The following UBE2E2 variants were observed in gnomAD, a reference collection of about 807,000 sequenced individuals.
UBE2E2 encodes the protein ubiquitin conjugating enzyme E2 E2, also known as ubiquitin-conjugating enzyme E2 E2.
In UBE2E2, 6 loss-of-function variants were observed where a neutral mutation model predicts 24.7. That is an observed-to-expected ratio of 0.24 (90% CI 0.13 to 0.48). UBE2E2 has a LOEUF of 0.48. Ranked by LOEUF, UBE2E2 falls within the 20% of genes least tolerant of loss-of-function variation. UBE2E2 has a pLI of 0.99. For missense variants in UBE2E2, 169 were observed against 245.0 expected (o/e 0.69, Z 2.07); for synonymous variants, 104 against 83.6 (o/e 1.24, Z -1.33).
At chr3:23,232,126 G>A (rs1262593044) in intron 3 of UBE2E2, among the ~76,000 whole-genome samples, 1 of 152,222 alleles carries the variant, frequency 6.6e-6, no homozygotes, top group Non-Finnish European at 1.5e-5. Flanking sequence ...TGAAGGGTAA[G>A]GTTAAACCCT....
At chr3:23,564,709 C>T (rs543254668) in intron 5 of UBE2E2, among the ~76,000 whole-genome samples, 1 of 152,296 alleles carries the variant, frequency 6.6e-6, no homozygotes, top group African/African-American at 2.4e-5. Flanking sequence ...GGGTAGAAAG[C>T]CTGGTGCTTT....
intron 3 of UBE2E2, among the ~76,000 whole-genome samples, chr3:23,271,518 C>T (rs1365954861): frequency 6.6e-6 from 1 of 152,168 alleles, no homozygotes; most frequent in Non-Finnish European, 1.5e-5. Context: ...CCTTATCTGA[C>T]CCCACCCACA....
intron 3 of UBE2E2, among the ~76,000 whole-genome samples, chr3:23,282,384 C>T (rs1156271380): frequency 6.6e-6 from 1 of 152,130 alleles, no homozygotes; most frequent in Non-Finnish European, 1.5e-5. Flanking sequence ...GTATCAGTTT[C>T]TATCTTATTA....
At chr3:23,434,692 C>A (rs1430406623) in intron 3 of UBE2E2, among the ~76,000 whole-genome samples, 2 of 152,084 alleles carry the variant, frequency 1.3e-5, no homozygotes, top group African/African-American at 4.8e-5. Context: ...AGATGTACTA[C>A]TGAGTTCAGG....
chr3:23,224,003 A>G (rs1022120886), intron 3 of UBE2E2, among the ~76,000 whole-genome samples: 11 of 152,088 alleles, frequency 7.2e-5, no homozygotes, highest in African/African-American at 2.4e-4. Context: ...TCACTGATCC[A>G]TGTGTCTGTT....
intron 3 of UBE2E2, among the ~76,000 whole-genome samples, chr3:23,367,529 TG>T (rs1696291082): frequency 6.6e-6 from 1 of 152,054 alleles, no homozygotes; most frequent in Non-Finnish European, 1.5e-5. Context: ...ACGCAGAGGG[TG>T]GTATGCCCAG....
At chr3:23,426,508 T>C (rs1457815522) in intron 3 of UBE2E2, among the ~76,000 whole-genome samples, 1 of 151,380 alleles carries the variant, frequency 6.6e-6, no homozygotes, top group Admixed American at 6.6e-5. Flanking sequence ...CCTGATGGGG[T>C]GTGCAGGGAG....
intron 5 of UBE2E2, among the ~76,000 whole-genome samples, chr3:23,555,230 A>C (rs1456306323): frequency 6.6e-6 from 1 of 152,136 alleles, no homozygotes; most frequent in African/African-American, 2.4e-5. Flanking sequence ...CTGAATAGAC[A>C]TTTATCCAAA....
At chr3:23,548,957 G>A (rs1695581036) in intron 5 of UBE2E2, among the ~76,000 whole-genome samples, 1 of 152,118 alleles carries the variant, frequency 6.6e-6, no homozygotes, top group South Asian at 2.1e-4. Flanking sequence ...CTCAAAAGAG[G>A]TACATAGTAG....
At chr3:23,481,285 C>T (rs948301063) in intron 3 of UBE2E2, among the ~76,000 whole-genome samples, 4 of 152,232 alleles carry the variant, frequency 2.6e-5, no homozygotes, top group East Asian at 1.9e-4. Context: ...ATCCCGTCCA[C>T]CTGCATCAAA....
chr3:23,546,249 TAGA>T (rs1189031880), intron 5 of UBE2E2, among the ~76,000 whole-genome samples: 1 of 152,222 alleles, frequency 6.6e-6, no homozygotes, highest in Non-Finnish European at 1.5e-5. Flanking sequence ...AGTTTATGTT[TAGA>T]AGACTTCATT....
chr3:23,359,453 A>C lies in UBE2E2; in HGVS notation c.228-140155A>C, dbSNP rs1034815653. ...AAATTTCTTTTCTAAACAAAAGACT[A>C]TCTCCTTGTTCCTTCTTTTGGAATT... On this transcript the variant is annotated intron_variant, in intron 3 of 5. Coordinates refer to ENST00000396703, the MANE Select transcript of UBE2E2 (RefSeq NM_152653.4). 1.3e-5 allele frequency among the ~76,000 whole-genome samples: 2 copies of C among 152,308 alleles called. 1 individual carries two copies. Among genetic ancestry groups the C allele is most frequent in the African/African-American group, 4.8e-5 (2 of 41,568 alleles).
At chr3:23,358,719 TTAAG>T (rs1488856061) in intron 3 of UBE2E2, among the ~76,000 whole-genome samples, 1 of 152,214 alleles carries the variant, frequency 6.6e-6, no homozygotes, top group Non-Finnish European at 1.5e-5. Context: ...AGAACTGAAA[TTAAG>T]TATTTAAATA....
chr3:23,222,736 G>A (rs1173274223), intron 3 of UBE2E2, among the ~76,000 whole-genome samples: 2 of 152,144 alleles, frequency 1.3e-5, no homozygotes, highest in African/African-American at 2.4e-5. Flanking sequence ...TATATACCCA[G>A]TATAGGAATT....
intron 4 of UBE2E2, among the ~76,000 whole-genome samples, chr3:23,515,784 G>A (rs1317094771): frequency 1.4e-5 from 2 of 147,800 alleles, no homozygotes; most frequent in East Asian, 2.0e-4. Flanking sequence ...TAGTGAGATC[G>A]CATCTCTACA....
intron 5 of UBE2E2, among the ~76,000 whole-genome samples, chr3:23,588,499 C>T (rs1263147085): frequency 1.3e-5 from 2 of 149,830 alleles, no homozygotes; most frequent in African/African-American, 4.9e-5. Context: ...TCACTACAGA[C>T]TCAAACTCCT....
At chr3:23,380,544 G>T (rs907457726) in intron 3 of UBE2E2, among the ~76,000 whole-genome samples, 8 of 152,154 alleles carry the variant, frequency 5.3e-5, no homozygotes, top group African/African-American at 1.9e-4. Context: ...TCTTTAGCAG[G>T]CCTCCCTGCC....
At chr3:23,344,386 G>A (rs13076527) in intron 3 of UBE2E2, among the ~76,000 whole-genome samples, 11,122 of 152,102 alleles carry the variant, frequency 0.073, 523 homozygotes, top group Non-Finnish European at 0.088. Context: ...AAGCCTTAGA[G>A]CCACAAAAAC....
intron 3 of UBE2E2, among the ~76,000 whole-genome samples, chr3:23,386,814 A>G (rs1696814319): frequency 1.3e-5 from 2 of 152,204 alleles, no homozygotes; most frequent in East Asian, 1.9e-4. Flanking sequence ...TCCTCTGTCA[A>G]TACATATGGC....
Sources: gnomAD v4.1 joint callset for allele counts (sites outside exome capture counted in the v4.1 genomes callset) on GRCh38, gnomAD v4.1.1 for gene constraint, MANE v1.5 for transcripts, NCBI Gene and HGNC (gene_info 2026-07-23, HGNC 2026-07-21) for gene names.